DLGAP2: variants seen among roughly 807,000 people sequenced by gnomAD.
The protein encoded by DLGAP2 is disks large-associated protein 2.
A neutral mutation model predicts 100.3 loss-of-function variants in DLGAP2; 26 were observed. The ratio of observed to expected loss-of-function variants is 0.26; its 90% confidence interval spans 0.19 to 0.36. The LOEUF is 0.36. DLGAP2 is among the 10% of genes least tolerant of loss of function. DLGAP2 has a pLI of 1.00. For missense variants in DLGAP2, 1,858 were observed against 1,453.2 expected, an observed-to-expected ratio of 1.28 and a Z score of -4.53; for synonymous variants, 886 against 630.1, an observed-to-expected ratio of 1.41 and a Z score of -6.08.
At chr8:901,238 G>A (rs999907343) in intron 1 of DLGAP2, among the ~76,000 whole-genome samples, 1 of 152,204 alleles carries the variant, frequency 6.6e-6, no homozygotes, top group African/African-American at 2.4e-5. Flanking sequence ...GCTGCAGTGA[G>A]CTATGATCGC....
chr8:1,082,099 A>G (rs1803830527), intron 2 of DLGAP2, among the ~76,000 whole-genome samples: 1 of 152,138 alleles, frequency 6.6e-6, no homozygotes, highest in Non-Finnish European at 1.5e-5. Context: ...CCTACATGTA[A>G]TATCTTCCTC....
At chr8:922,144 C>G (rs773629732) in intron 2 of DLGAP2, among the ~76,000 whole-genome samples, 1 of 152,146 alleles carries the variant, frequency 6.6e-6, no homozygotes, top group Admixed American at 6.5e-5. Context: ...TCAGAGGCGC[C>G]GAGTTTTTGG....
intron 1 of DLGAP2, among the ~76,000 whole-genome samples, chr8:881,856 G>T (rs1039942947): frequency 6.6e-6 from 1 of 151,870 alleles, no homozygotes. Flanking sequence ...CTGTCACTTT[G>T]TTCCCAGAAA....
chr8:759,313 C>T (rs1245007829), intron 1 of DLGAP2, among the ~76,000 whole-genome samples: 1 of 151,870 alleles, frequency 6.6e-6, no homozygotes, highest in Admixed American at 6.6e-5. Flanking sequence ...TCCCCATTAT[C>T]AATACTGCCT....
At chr8:1,576,665 C>G (rs1201470418) in intron 6 of DLGAP2, among the ~76,000 whole-genome samples, 1 of 152,106 alleles carries the variant, frequency 6.6e-6, no homozygotes, top group African/African-American at 2.4e-5. Flanking sequence ...AGGAAGGGAT[C>G]CAGTTTCAGC....
chr8:1,074,218 C>G (rs1206643409), intron 2 of DLGAP2, among the ~76,000 whole-genome samples: 7 of 149,976 alleles, frequency 4.7e-5, no homozygotes, highest in Admixed American at 3.3e-4. Flanking sequence ...TGAACTCACC[C>G]AGGTACATAT....
chr8:989,875 A>T (rs1332184386), intron 2 of DLGAP2, among the ~76,000 whole-genome samples: 1 of 152,124 alleles, frequency 6.6e-6, no homozygotes, highest in Non-Finnish European at 1.5e-5. Flanking sequence ...GTCACTTAAA[A>T]AATTATATGA....
In DLGAP2 at chr8:1,553,477, T is replaced by C. The variant is rs546238314; in HGVS notation, c.1230+3794T>C. Among the ~76,000 whole-genome samples the C allele has an allele frequency of 2.0e-5, 3 of 152,392 alleles. No homozygotes were observed. In the East Asian group the frequency reaches 5.8e-4, roughly 29 times the overall value. On this transcript the variant is annotated intron_variant, in intron 5 of 14. Transcript: ENST00000637795. ...GCGTGTTCACGGTCAGCAGCCCCGT[T>C]GTGCTTGGCGTGTTCACGGGCAGCC... is the stretch of plus-strand genomic sequence containing the variant.
At chr8:817,753 G>C (rs938362111) in intron 1 of DLGAP2, among the ~76,000 whole-genome samples, 1 of 152,180 alleles carries the variant, frequency 6.6e-6, no homozygotes, top group Non-Finnish European at 1.5e-5. Context: ...CCAGCCACCC[G>C]GTGGAGCTAC....
intron 2 of DLGAP2, among the ~76,000 whole-genome samples, chr8:1,236,530 A>G (rs371710162): frequency 7.6e-3 from 93 of 12,194 alleles, no homozygotes; most frequent in South Asian, 9.7e-3. Flanking sequence ...ACATGGCGCC[A>G]TGTCTAGTTC....
chr8:1,146,554 T>C (rs111642566), intron 2 of DLGAP2, among the ~76,000 whole-genome samples: 1,557 of 150,914 alleles, frequency 0.01, 32 homozygotes, highest in African/African-American at 0.036. Flanking sequence ...TCTCTGGAAC[T>C]GTGTGTGTGC....
chr8:1,240,326 T>C, intron 2 of DLGAP2, among the ~76,000 whole-genome samples: 1 of 144,748 alleles, frequency 6.9e-6, no homozygotes, highest in East Asian at 2.1e-4. Flanking sequence ...CTGTGTCTAG[T>C]TCTCTCTCAC....
intron 6 of DLGAP2, among the ~76,000 whole-genome samples, chr8:1,588,013 C>T (rs1164387360): frequency 1.3e-5 from 2 of 152,160 alleles, no homozygotes; most frequent in Non-Finnish European, 2.9e-5. Context: ...AAGGGCCTTA[C>T]CTGAGTTCAT....
At chr8:1,097,836 C>T in intron 2 of DLGAP2, among the ~76,000 whole-genome samples, 1 of 146,680 alleles carries the variant, frequency 6.8e-6, no homozygotes, top group South Asian at 2.2e-4. Flanking sequence ...AGCTGGCAGC[C>T]CGGGGCAGGC....
At chr8:1,635,218 T>C (rs916207205) in intron 8 of DLGAP2, among the ~76,000 whole-genome samples, 2 of 152,196 alleles carry the variant, frequency 1.3e-5, no homozygotes, top group African/African-American at 4.8e-5. Context: ...TGCAATATAG[T>C]CTATTTAGCA....
At chr8:1,031,619 C>G (rs1028047993) in intron 2 of DLGAP2, among the ~76,000 whole-genome samples, 4 of 151,988 alleles carry the variant, frequency 2.6e-5, no homozygotes, top group African/African-American at 9.7e-5. Context: ...TCATGTTGCC[C>G]AAGCCGGTTG....
At chr8:1,366,653 T>C (rs947726274) in intron 3 of DLGAP2, among the ~76,000 whole-genome samples, 2 of 151,944 alleles carry the variant, frequency 1.3e-5, no homozygotes, top group African/African-American at 4.8e-5. Flanking sequence ...GGTGGCAGAA[T>C]TCACTTGGTG....
chr8:1,659,741 C>T (rs1798366808), intron 8 of DLGAP2, among the ~76,000 whole-genome samples: 1 of 152,166 alleles, frequency 6.6e-6, no homozygotes, highest in African/African-American at 2.4e-5. Context: ...TGTGTCTTTG[C>T]ACATGAGATG....
intron 1 of DLGAP2, among the ~76,000 whole-genome samples, chr8:740,640 A>G (rs1394648453): frequency 2.6e-5 from 4 of 152,222 alleles, no homozygotes; most frequent in Admixed American, 6.5e-5. Context: ...TTCTGAAACT[A>G]AAGTGCTCTA....
Sources: allele counts gnomAD v4.1 joint callset (sites outside exome capture counted in the v4.1 genomes callset), GRCh38; gene constraint gnomAD v4.1.1; transcripts MANE v1.5; gene names NCBI Gene and HGNC (gene_info 2026-07-23, HGNC 2026-07-21).